TNC: variants seen among roughly 807,000 people sequenced by gnomAD.
TNC encodes the protein tenascin C.
A neutral mutation model predicts 202.4 loss-of-function variants in TNC; 109 were observed. The observed-to-expected ratio is 0.54, with a 90% CI of 0.46 to 0.63. The LOEUF (loss-of-function observed/expected upper bound fraction) is 0.63. Ranked by LOEUF, TNC falls within the 30% of genes least tolerant of loss-of-function variation. TNC has a pLI of 0.00. For missense variants in TNC, 2,756 were observed against 2,833.3 expected, an observed-to-expected ratio of 0.97 and a Z score of 0.62; for synonymous variants, 1,007 against 1,089.7, an observed-to-expected ratio of 0.92 and a Z score of 1.50.
chr9:115,061,794 T>C (rs944226), intron 13 of TNC, among the ~76,000 whole-genome samples: 119,436 of 152,188 alleles, frequency 0.78, 47,470 homozygotes, highest in African/African-American at 0.92. Flanking sequence ...TTTCTAGAAA[T>C]CTCATGTACA....
chr9:115,105,227 C>T (rs1054460574), intron 1 of TNC, among the ~76,000 whole-genome samples: 3 of 152,146 alleles, frequency 2.0e-5, no homozygotes, highest in African/African-American at 7.2e-5. Flanking sequence ...AAGACTACTC[C>T]CGTAATTAAT....
chr9:115,064,530 C>A (rs1295848652), intron 11 of TNC, 117 bp downstream of exon 11: 4 of 1,299,084 alleles, frequency 3.1e-6, no homozygotes, highest in Non-Finnish European at 4.3e-6. Flanking sequence ...ACAATTAGAC[C>A]CCATAGACAT....
rs751333407 is a variant in TNC at position 115,048,233 on chromosome 9, A to C, written c.4852+27T>G. On this transcript the variant is annotated intron_variant, in intron 16 of 27. Transcript: ENST00000350763. ...ACACAGAAGGGGACCAGGAAGAGGA[A>C]CAAATGGCTCACTTGATTTGAAATA... 5 of 1,607,786 alleles carry C rather than the reference A, an allele frequency of 3.1e-6. No individual in the cohort carries two copies. The African/African-American group carries it at 6.7e-5, about 22-fold the overall frequency.
chr9:115,068,138 A>G (rs1833094125), intron 10 of TNC, among the ~76,000 whole-genome samples: 1 of 152,182 alleles, frequency 6.6e-6, no homozygotes, highest in Non-Finnish European at 1.5e-5. Context: ...TTCAACTGCA[A>G]ATGACATACT....
rs557051106 is a variant in TNC, at chr9:115,093,915, G to A, written c.-136-2761C>T. On this transcript the variant is annotated intron_variant, in intron 1 of 27. Transcript: ENST00000350763. ...ATTGTGTATTTCCTATTGGCTCATG[G>A]TGGTCTGAGGGCAGTGGGTGTTTTT... Among the ~76,000 whole-genome samples the A allele has an allele frequency of 3.3e-5, 5 of 152,258 alleles. 1 individual carries two copies. In the South Asian group the frequency reaches 8.3e-4, roughly 25 times the overall value.
intron 9 of TNC, among the ~76,000 whole-genome samples, chr9:115,074,081 T>C (rs1376784150): frequency 6.6e-6 from 1 of 152,100 alleles, no homozygotes; most frequent in Non-Finnish European, 1.5e-5. Flanking sequence ...TCTGAGAAGA[T>C]TGAAAATAAT....
intron 4 of TNC, among the ~76,000 whole-genome samples, chr9:115,083,018 A>G (rs969085530): frequency 6.6e-6 from 1 of 152,238 alleles, no homozygotes. Flanking sequence ...TAATTTTGGC[A>G]ATTTCATATG....
At chr9:115,050,438 T>A (rs2132243371) in intron 15 of TNC, among the ~76,000 whole-genome samples, 1 of 152,208 alleles carries the variant, frequency 6.6e-6, no homozygotes, top group East Asian at 1.9e-4. Flanking sequence ...ATTTCTCCCC[T>A]CCTGAGGAGT....
intron 6 of TNC, among the ~76,000 whole-genome samples, chr9:115,078,740 A>T (rs980746896): frequency 6.6e-6 from 1 of 152,192 alleles, no homozygotes; most frequent in Non-Finnish European, 1.5e-5. Flanking sequence ...TCACGCAAGA[A>T]AGTCATTGCT....
rs965235106 is a variant in TNC at position 115,019,974 on chromosome 9, A to C, written c.*1183T>G. 6.6e-6 allele frequency: 1 copy of C among 152,214 alleles called. No homozygotes were observed. Among genetic ancestry groups the C allele is most frequent in the African/African-American group, 2.4e-5 (1 of 41,460 alleles). 9.4% of individuals were successfully genotyped at this position (152,214 alleles called of 1,614,324 possible). A position where few individuals can be genotyped will look rare whatever the true frequency, so the allele number is the denominator to read the frequency against. On this transcript the variant is annotated 3_prime_UTR_variant, in exon 28 of 28. Coordinates refer to ENST00000350763, the MANE Select transcript of TNC (RefSeq NM_002160.4). ...AAATGAGTATAAAAGCATCTTTTAA[A>C]CCATAATCTATTAGTCTTGGAAATA...
intron 26 of TNC, among the ~76,000 whole-genome samples, chr9:115,024,973 G>A (rs979751445): frequency 6.6e-6 from 1 of 152,166 alleles, no homozygotes; most frequent in African/African-American, 2.4e-5. Context: ...AAGGAACCCA[G>A]ATACCTTTTT....
chr9:115,022,930 A>G (rs999171026), intron 27 of TNC, among the ~76,000 whole-genome samples: 1 of 152,110 alleles, frequency 6.6e-6, no homozygotes, highest in African/African-American at 2.4e-5. Flanking sequence ...CAAAGTGACT[A>G]ATATTGAAAA....
chr9:115,029,500 G>A, intron 24 of TNC, 44 bp from the exon 25 acceptor site: 1 of 1,574,174 alleles, frequency 6.4e-7, no homozygotes, highest in Non-Finnish European at 8.7e-7. Flanking sequence ...AGCTATTGCA[G>A]GAAAGAGGGC....
chr9:115,040,775 C>G (rs79554392), intron 19 of TNC, among the ~76,000 whole-genome samples, 166 bp downstream of exon 19: 1,678 of 152,258 alleles, frequency 0.011, 9 homozygotes, highest in Middle Eastern at 0.017. Context: ...CTCTGGCACT[C>G]TAAATCCAGT....
intron 20 of TNC, 136 bp downstream of exon 20, chr9:115,038,125 C>T (rs1830467611): frequency 2.6e-6 from 3 of 1,171,658 alleles, no homozygotes; most frequent in East Asian, 2.5e-5. Context: ...GCCACATGAA[C>T]ATTACTGGCC....
chr9:115,037,716 C>T (rs1331883769), intron 20 of TNC, among the ~76,000 whole-genome samples: 5 of 152,026 alleles, frequency 3.3e-5, no homozygotes, highest in South Asian at 2.1e-4. Flanking sequence ...TTAGAAGAGA[C>T]GAGGTTTCAC....
chr9:115,085,317 G>A (rs1040275784), intron 3 of TNC, among the ~76,000 whole-genome samples: 1 of 152,140 alleles, frequency 6.6e-6, no homozygotes, highest in Non-Finnish European at 1.5e-5. Context: ...GGTCAATCTT[G>A]TAGATAATAG....
In TNC at chr9:115,091,106, G is replaced by A; in HGVS notation, c.-88C>T. On this transcript the variant is annotated 5_prime_UTR_variant, in exon 2 of 28. Transcript: ENST00000350763. ...GCAGAATTGGGGATTTAGAAGCACA[G>A]AGTAGACTTCAAATCAGTTGTCCCT... is the stretch of plus-strand genomic sequence containing the variant. 2.9e-6 allele frequency: 3 copies of A among 1,029,622 alleles called. No individual in the cohort carries two copies. The South Asian group carries it at 4.5e-5, about 15-fold the overall frequency. The allele number at this position is 1,029,622 out of a possible 1,614,324, so 63.8% of individuals were successfully genotyped here.
chr9:115,053,486 T>G (rs1831865363), intron 15 of TNC, among the ~76,000 whole-genome samples: 1 of 152,234 alleles, frequency 6.6e-6, no homozygotes, highest in African/African-American at 2.4e-5. Flanking sequence ...TGGGTTTGCA[T>G]TTTAAAGGCT....
Sources: allele counts gnomAD v4.1 joint callset (sites outside exome capture counted in the v4.1 genomes callset), GRCh38; gene constraint gnomAD v4.1.1; transcripts MANE v1.5; gene names NCBI Gene and HGNC (gene_info 2026-07-23, HGNC 2026-07-21).